Variants in SAMD12 observed in about 807,000 individuals in gnomAD.
SAMD12 encodes the protein sterile alpha motif domain containing 12.
Under a neutral mutation model 15.0 loss-of-function variants are expected in SAMD12, and 9 were observed. The ratio of observed to expected loss-of-function variants is 0.60; its 90% CI spans 0.36 to 1.05. SAMD12 has a LOEUF of 1.05. SAMD12 is among the 50% of genes least tolerant of loss of function. The pLI is 0.01. For synonymous variants in SAMD12, 86 were observed against 90.1 expected (o/e 0.96, Z 0.25); for missense variants, 230 against 234.2 (o/e 0.98, Z 0.12).
chr8:118,394,961 G>C (rs1438717306), intron 3 of SAMD12: 1 of 152,174 alleles, frequency 6.6e-6, no homozygotes, highest in African/African-American at 2.4e-5. Context: ...GAGTCTGCTT[G>C]GGTGCAAATC....
intron 4 of SAMD12, among the ~76,000 whole-genome samples, chr8:118,294,180 T>C (rs866108604): frequency 6.6e-6 from 1 of 152,166 alleles, no homozygotes; most frequent in Non-Finnish European, 1.5e-5. Context: ...GAGTCTGCCA[T>C]GCAGCACTGG....
At chr8:118,542,060 G>A (rs1013999678) in intron 2 of SAMD12, among the ~76,000 whole-genome samples, 3 of 152,122 alleles carry the variant, frequency 2.0e-5, no homozygotes, top group Non-Finnish European at 4.4e-5. Context: ...AGATGAGCAG[G>A]CAATCCTAGA....
At chr8:118,608,978 A>G (rs2131312085) in intron 1 of SAMD12, among the ~76,000 whole-genome samples, 1 of 152,388 alleles carries the variant, frequency 6.6e-6, no homozygotes, top group Admixed American at 6.5e-5. Flanking sequence ...CAGGAGTTAT[A>G]TTCCCACAGC....
chr8:118,258,058 G>A (rs985526447), intron 4 of SAMD12, among the ~76,000 whole-genome samples: 3 of 152,054 alleles, frequency 2.0e-5, no homozygotes, highest in East Asian at 1.9e-4. Flanking sequence ...TCTATCCACC[G>A]GTGTCAGGCA....
At chr8:118,472,311 A>G (rs1823823817) in intron 2 of SAMD12, among the ~76,000 whole-genome samples, 1 of 151,624 alleles carries the variant, frequency 6.6e-6, no homozygotes, top group Admixed American at 6.6e-5. Context: ...GAGTACAAGT[A>G]CATAATAATG....
At chr8:118,280,423 G>A (rs999998334) in intron 4 of SAMD12, among the ~76,000 whole-genome samples, 6 of 152,126 alleles carry the variant, frequency 3.9e-5, no homozygotes, top group African/African-American at 1.2e-4. Context: ...GCTTGAGTGT[G>A]AGATAGAATC....
At chr8:118,503,651 A>C (rs1239297893) in intron 2 of SAMD12, among the ~76,000 whole-genome samples, 1 of 152,124 alleles carries the variant, frequency 6.6e-6, no homozygotes, top group African/African-American at 2.4e-5. Flanking sequence ...TTGGTGAGAA[A>C]CCAAGCGCCA....
intron 2 of SAMD12, among the ~76,000 whole-genome samples, chr8:118,501,633 A>C (rs1490556550): frequency 1.3e-5 from 2 of 152,192 alleles, no homozygotes; most frequent in Non-Finnish European, 2.9e-5. Context: ...CGTAGACTGC[A>C]AGTATATTAG....
chr8:118,433,276 T>G (rs1018220153), intron 3 of SAMD12, among the ~76,000 whole-genome samples: 6 of 152,248 alleles, frequency 3.9e-5, no homozygotes, highest in Non-Finnish European at 5.9e-5. Context: ...ATGATCCATT[T>G]AGAGAGGAAA....
intron 3 of SAMD12, among the ~76,000 whole-genome samples, chr8:118,410,379 A>G (rs1821351245): frequency 6.6e-6 from 1 of 152,234 alleles, no homozygotes; most frequent in Non-Finnish European, 1.5e-5. Flanking sequence ...ACTTGCATTA[A>G]TGGTCCATAC....
In SAMD12 at chr8:118,473,268, G is replaced by C. The variant is rs1823857271; in HGVS notation, c.193-33307C>G. 3.3e-5 allele frequency among the ~76,000 whole-genome samples: 5 copies of C among 152,134 alleles called. 1 individual carries two copies. In the South Asian group the frequency reaches 1.0e-3, roughly 31 times the overall value. ...CTCCTGGGTCTTGCTCTGTCCCCTG[G>C]TGGTTTTCTAAACCTTCCCTATACC... On this transcript the variant is annotated intron_variant, in intron 2 of 3. Transcript: ENST00000314727.
intron 1 of SAMD12, among the ~76,000 whole-genome samples, chr8:118,603,341 A>ACACT (rs1382099104): frequency 6.6e-6 from 1 of 152,198 alleles, no homozygotes; most frequent in Non-Finnish European, 1.5e-5. Flanking sequence ...GAATTTCTGA[A>ACACT]CACTCAGACT....
chr8:118,132,991 TATA>T, the SAMD12 span, among the ~76,000 whole-genome samples: 211 of 78,616 alleles, frequency 2.7e-3, 3 homozygotes, highest in Middle Eastern at 5.8e-3. Flanking sequence ...TATATATATA[TATA>T]TATATATATA....
At chr8:118,418,812 A>C (rs1012483483) in intron 3 of SAMD12, among the ~76,000 whole-genome samples, 1 of 152,200 alleles carries the variant, frequency 6.6e-6, no homozygotes, top group South Asian at 2.1e-4. Flanking sequence ...TTTTGCCACT[A>C]TAGCATCCAA....
At chr8:118,445,926 A>G (rs983160639) in intron 2 of SAMD12, among the ~76,000 whole-genome samples, 6 of 152,154 alleles carry the variant, frequency 3.9e-5, no homozygotes, top group African/African-American at 1.4e-4. Flanking sequence ...TTTACTGGGA[A>G]TTGTAGCTTA....
chr8:118,219,541 C>G (rs1486453603), intron 4 of SAMD12, among the ~76,000 whole-genome samples: 1 of 152,192 alleles, frequency 6.6e-6, no homozygotes, highest in Non-Finnish European at 1.5e-5. Context: ...TTATCCCTCC[C>G]TTTGAGTGGA....
chr8:118,283,237 T>C (rs775060164), intron 4 of SAMD12, among the ~76,000 whole-genome samples: 26 of 152,232 alleles, frequency 1.7e-4, no homozygotes, highest in Non-Finnish European at 3.1e-4. Flanking sequence ...ACCAAAATAC[T>C]GCTTTCCAGA....
intron 2 of SAMD12, among the ~76,000 whole-genome samples, chr8:118,486,897 G>A (rs1209228428): frequency 6.6e-6 from 1 of 152,146 alleles, no homozygotes; most frequent in Non-Finnish European, 1.5e-5. Flanking sequence ...CCTCCGACAG[G>A]ACCCATGGCC....
intron 1 of SAMD12, among the ~76,000 whole-genome samples, chr8:118,596,097 A>G (rs2131289396): frequency 6.6e-6 from 1 of 152,218 alleles, no homozygotes; most frequent in East Asian, 1.9e-4. Context: ...TTGTTGTTGA[A>G]CAACCGCTCT....
Sources: gnomAD v4.1 joint callset for allele counts (sites outside exome capture counted in the v4.1 genomes callset) on GRCh38, gnomAD v4.1.1 for gene constraint, MANE v1.5 for transcripts, NCBI Gene and HGNC (gene_info 2026-07-23, HGNC 2026-07-21) for gene names.